The following SRGAP2 variants were observed in gnomAD, a reference collection of about 807,000 sequenced individuals.
The protein encoded by SRGAP2 is SLIT-ROBO Rho GTPase activating protein 2.
Under a neutral mutation model 57.2 loss-of-function variants are expected in SRGAP2, and 15 were observed. The observed-to-expected ratio is 0.26, with a 90% CI of 0.18 to 0.40. The LOEUF (loss-of-function observed/expected upper bound fraction) is 0.40, where lower values mean the gene tolerates loss of function less well. Ranked by LOEUF, SRGAP2 falls within the 10% of genes least tolerant of loss-of-function variation. SRGAP2 has a pLI of 1.00. For synonymous variants in SRGAP2, 249 were observed against 248.0 expected (o/e 1.00, Z -0.04); for missense variants, 520 against 669.6 (o/e 0.78, Z 2.47).
chr1:206,257,943 A>T (rs1553312824), intron 2 of SRGAP2, among the ~76,000 whole-genome samples: 1 of 151,292 alleles, frequency 6.6e-6, no homozygotes, highest in East Asian at 2.0e-4. Flanking sequence ...GACCTAGGCA[A>T]GAGTGGTCCT....
At chr1:206,346,126 A>C in intron 4 of SRGAP2, among the ~76,000 whole-genome samples, 1 of 152,132 alleles carries the variant, frequency 6.6e-6, no homozygotes, top group Non-Finnish European at 1.5e-5. Context: ...GAATGTCCTC[A>C]GCCATTCTGT....
chr1:206,370,694 A>G (rs1654460648), intron 4 of SRGAP2, among the ~76,000 whole-genome samples: 1 of 152,212 alleles, frequency 6.6e-6, no homozygotes. Flanking sequence ...CCTTGCAAAT[A>G]TACTAATAGC....
At chr1:206,257,736 A>ATATC (rs1669276311) in intron 2 of SRGAP2, among the ~76,000 whole-genome samples, 1 of 117,896 alleles carries the variant, frequency 8.5e-6, no homozygotes. Flanking sequence ...AAAGCAGACT[A>ATATC]TATATATACA....
chr1:206,318,769 T>C (rs1491002294), intron 3 of SRGAP2, among the ~76,000 whole-genome samples: 4 of 152,090 alleles, frequency 2.6e-5, no homozygotes, highest in Non-Finnish European at 5.9e-5. Context: ...AACAACCAGA[T>C]CTCTTGTGAA....
chr1:206,359,798 C>CTTTTTTTTTT lies in SRGAP2; in HGVS notation c.423+16807_423+16816dup, dbSNP rs1166916482. Among the ~76,000 whole-genome samples the CTTTTTTTTTT allele has an allele frequency of 1.9e-4, 13 of 70,228 alleles. 1 individual carries two copies. The highest frequency in any genetic ancestry group is 1.2e-3 in the South Asian group (2 of 1,656). The allele number at this position is 70,228 out of a possible 152,430, so 46.1% of individuals were successfully genotyped here. A position where few individuals can be genotyped will look rare whatever the true frequency, so the allele number is the denominator to read the frequency against. On this transcript the variant is annotated intron_variant, in intron 4 of 22. Transcript: ENST00000573034. ...AGGATGGGGTACAAGGGATATTGCT[C>CTTTTTTTTTT]TTTTTTTTTTTTTTTTTTTTTTTTT...
At chr1:206,291,720 T>A (rs1671333262) in intron 2 of SRGAP2, among the ~76,000 whole-genome samples, 1 of 149,618 alleles carries the variant, frequency 6.7e-6, no homozygotes, top group Non-Finnish European at 1.5e-5. Flanking sequence ...AGTAAATATA[T>A]AAGATGTGTC....
rs1553381808 is a variant in SRGAP2, at chr1:206,463,573, GCTCCT to G, written c.*2154_*2158del. On this transcript the variant is annotated 3_prime_UTR_variant, in exon 23 of 23. Transcript: ENST00000573034. ...GGCAACACTTTGGGCCTGTTCTGTT[GCTCCT>G]GCCTTATTTCTCTTTCAACCCTGTA... The G allele has an allele frequency of 1.3e-5, 2 of 152,618 alleles. No individual in the cohort carries two copies. The highest frequency in any genetic ancestry group is 2.9e-5 in the Non-Finnish European group (2 of 68,060). The allele number at this position is 152,618 out of a possible 1,614,324, so 9.5% of individuals were successfully genotyped here.
intron 2 of SRGAP2, among the ~76,000 whole-genome samples, chr1:206,249,465 C>T (rs1282346627): frequency 6.6e-6 from 1 of 151,710 alleles, no homozygotes; most frequent in Admixed American, 6.6e-5. Flanking sequence ...AAGCTGGAAA[C>T]CATTATTCTC....
chr1:206,392,946 T>A, intron 6 of SRGAP2, 42 bp downstream of exon 6: 2 of 716,666 alleles, frequency 2.8e-6, no homozygotes, highest in Admixed American at 4.0e-5. Flanking sequence ...GAAGCAACAT[T>A]CGGTAAGGCA....
rs1218962399 is a variant in SRGAP2, at chr1:206,385,220, CATAG to C, written c.486+1151_486+1154del. ...GTGACACTTCTGCTCTGAAGCCAAGCATAGATAGATGGTACCTTTCGTTCAACTC... is the reference window on the plus strand; with the variant it reads ...GTGACACTTCTGCTCTGAAGCCAAGCATAGATGGTACCTTTCGTTCAACTC... On this transcript the variant is annotated intron_variant, in intron 5 of 22. Transcript: ENST00000573034. 2.2e-5 allele frequency among the ~76,000 whole-genome samples: 3 copies of C among 135,480 alleles called. No individual in the cohort carries two copies. The East Asian group carries it at 6.6e-4, about 30-fold the overall frequency. 88.9% of individuals were successfully genotyped at this position (135,480 alleles called of 152,430 possible).
At chr1:206,428,445 G>C (rs1322973094) in intron 13 of SRGAP2, among the ~76,000 whole-genome samples, 3 of 148,464 alleles carry the variant, frequency 2.0e-5, no homozygotes, top group Non-Finnish European at 4.5e-5. Context: ...AAAAGAAAAA[G>C]AAATTGTATA....
rs1669924645 is a variant in SRGAP2 at position 206,267,341 on chromosome 1, T to C, written c.68-35940T>C. Among the ~76,000 whole-genome samples the C allele has an allele frequency of 2.6e-5, 4 of 151,760 alleles. 1 individual carries two copies. In the South Asian group the frequency reaches 8.3e-4, roughly 32 times the overall value. ...AGGAGAGTGGGCCGTGGCAAATATC[T>C]TTGGCTTTGGGTTGCTATTCTGAGG... On this transcript the variant is annotated intron_variant, in intron 2 of 22. Coordinates refer to ENST00000573034, the MANE Select transcript of SRGAP2 (RefSeq NM_015326.5).
At chr1:206,354,675 G>A (rs1445771625) in intron 4 of SRGAP2, among the ~76,000 whole-genome samples, 2 of 152,132 alleles carry the variant, frequency 1.3e-5, no homozygotes, top group African/African-American at 4.8e-5. Flanking sequence ...TCTTTCCAAT[G>A]TATGGTTGAA....
At chr1:206,451,006 A>G (rs1016338587) in intron 19 of SRGAP2, among the ~76,000 whole-genome samples, 2 of 151,086 alleles carry the variant, frequency 1.3e-5, no homozygotes, top group East Asian at 2.0e-4. Flanking sequence ...AGTGCCAGCT[A>G]CTTGGGAGGC....
chr1:206,459,758 T>A (rs1452005627), intron 22 of SRGAP2, among the ~76,000 whole-genome samples: 2 of 152,220 alleles, frequency 1.3e-5, no homozygotes, highest in East Asian at 3.8e-4. Flanking sequence ...CAGGGGGTGA[T>A]AGAGGCTGGG....
At chr1:206,307,227 G>A (rs1304471557) in intron 3 of SRGAP2, among the ~76,000 whole-genome samples, 1 of 151,998 alleles carries the variant, frequency 6.6e-6, no homozygotes, top group Admixed American at 6.6e-5. Context: ...TAGACATAAA[G>A]GTTCTCCACG....
intron 14 of SRGAP2, among the ~76,000 whole-genome samples, chr1:206,434,800 A>T (rs1475632786): frequency 6.6e-6 from 1 of 152,192 alleles, no homozygotes; most frequent in East Asian, 1.9e-4. Context: ...CTGGACCCCC[A>T]GGCCAAGGCT....
intron 2 of SRGAP2, among the ~76,000 whole-genome samples, chr1:206,262,558 A>G (rs1451985010): frequency 6.6e-6 from 1 of 151,196 alleles, no homozygotes; most frequent in Non-Finnish European, 1.5e-5. Flanking sequence ...CAACTTGGGA[A>G]TTCATTTGGA....
intron 3 of SRGAP2, among the ~76,000 whole-genome samples, chr1:206,322,437 G>C (rs1464798430): frequency 6.6e-6 from 1 of 151,832 alleles, no homozygotes; most frequent in African/African-American, 2.4e-5. Context: ...AAAATTAGCC[G>C]GGCGTGGTGG....
Sources: gnomAD v4.1 joint callset for allele counts (sites outside exome capture counted in the v4.1 genomes callset) on GRCh38, gnomAD v4.1.1 for gene constraint, MANE v1.5 for transcripts, NCBI Gene and HGNC (gene_info 2026-07-23, HGNC 2026-07-21) for gene names.